ZRANB3: variants seen among roughly 807,000 people sequenced by gnomAD.
ZRANB3 encodes the protein DNA annealing helicase and endonuclease ZRANB3.
A neutral mutation model predicts 133.8 loss-of-function variants in ZRANB3; 125 were observed. That is an observed-to-expected ratio of 0.93 (90% confidence interval 0.81 to 1.08). The LOEUF is 1.08. Ranked by LOEUF, ZRANB3 falls within the 50% of genes least tolerant of loss-of-function variation. The pLI, the probability that ZRANB3 is intolerant of heterozygous loss-of-function variation, is 0.00. For missense variants in ZRANB3, 1,229 were observed against 1,275.5 expected (o/e 0.96, Z 0.56); for synonymous variants, 387 against 432.7 (o/e 0.89, Z 1.31).
At chr2:135,355,069 C>T (rs767067982) in intron 3 of ZRANB3, among the ~76,000 whole-genome samples, 4 of 152,104 alleles carry the variant, frequency 2.6e-5, no homozygotes, top group Non-Finnish European at 5.9e-5. Context: ...ATTTTAAATG[C>T]TGAGCAAAAC....
intron 1 of ZRANB3, among the ~76,000 whole-genome samples, chr2:135,505,003 G>T (rs1431815427): frequency 6.6e-6 from 1 of 151,894 alleles, no homozygotes. Context: ...TTAAATTAAT[G>T]TAATATTATT....
chr2:135,496,154 G>A (rs1001075969), intron 2 of ZRANB3, among the ~76,000 whole-genome samples: 5 of 151,770 alleles, frequency 3.3e-5, no homozygotes, highest in African/African-American at 1.2e-4. Context: ...AGGCCAAGGC[G>A]GGTGGATCAC....
In ZRANB3 at chr2:135,207,792, T is replaced by G. The variant is rs777182347; in HGVS notation, c.2651A>C (p.Tyr884Ser). 12 of 1,604,962 alleles carry G rather than the reference T, an allele frequency of 7.5e-6. No individual in the cohort carries two copies. The South Asian group carries it at 1.3e-4, about 18-fold the overall frequency. Residue 884 changes from tyrosine to serine, a missense_variant, in exon 19 of 21, where the codon TAC (tyrosine) becomes TCC (serine). Physicochemically the swap from Tyr to Ser is moderately radical, Grantham distance 144. Coordinates refer to ENST00000264159, the MANE Select transcript of ZRANB3 (RefSeq NM_032143.4). ...DGACVPFLNP[Y>S]TVQADLTVKP... ...CACAGTGAGATCTGCCTGGACTGTGTATGGATTTAGAAATGGGACACAGGC... is the reference window on the plus strand; with the variant it reads ...CACAGTGAGATCTGCCTGGACTGTGGATGGATTTAGAAATGGGACACAGGC...
At chr2:135,305,847 G>C (rs1682663782) in intron 8 of ZRANB3, among the ~76,000 whole-genome samples, 1 of 152,068 alleles carries the variant, frequency 6.6e-6, no homozygotes, top group Non-Finnish European at 1.5e-5. Flanking sequence ...TAGCTTTGTT[G>C]GGTATAGTAT....
intron 2 of ZRANB3, among the ~76,000 whole-genome samples, chr2:135,444,001 T>C: frequency 6.6e-6 from 1 of 152,060 alleles, no homozygotes; most frequent in East Asian, 1.9e-4. Flanking sequence ...GAGACAATAC[T>C]TAATGGCAAA....
intron 6 of ZRANB3, among the ~76,000 whole-genome samples, chr2:135,316,105 T>A (rs1683239803): frequency 6.6e-6 from 1 of 152,112 alleles, no homozygotes; most frequent in South Asian, 2.1e-4. Flanking sequence ...AACACAAAAT[T>A]ACTATGAAAG....
intron 2 of ZRANB3, among the ~76,000 whole-genome samples, chr2:135,414,372 G>A (rs1177334103): frequency 1.3e-5 from 2 of 151,966 alleles, no homozygotes; most frequent in African/African-American, 2.4e-5. Flanking sequence ...ATTACATGGT[G>A]GTAAAGGGAA....
At chr2:135,240,994 T>C (rs1460606190) in intron 12 of ZRANB3, among the ~76,000 whole-genome samples, 1 of 152,222 alleles carries the variant, frequency 6.6e-6, no homozygotes, top group Non-Finnish European at 1.5e-5. Context: ...CAGGAACTTT[T>C]ATTTTTGGTG....
In ZRANB3 at chr2:135,350,117, A is replaced by G. The variant is rs1314027274; in HGVS notation, c.458T>C (p.Val153Ala). 6.2e-7 allele frequency: 1 copy of G among 1,613,756 alleles called. No individual in the cohort carries two copies. The highest frequency in any genetic ancestry group is 2.2e-5 in the East Asian group (1 of 44,878). Residue 153 changes from valine to alanine, a missense_variant, in exon 5 of 21, where the codon GTA becomes GCA. By Grantham distance (64) the Val-to-Ala change is moderately conservative (BLOSUM62 0). Coordinates refer to ENST00000264159, the MANE Select transcript of ZRANB3 (RefSeq NM_032143.4). ...GTAGTGTGATTCATCCACTATAACT[A>G]CTTTGAAGTTCTGATTATTCAGTGC... Reference protein sequence around the residue: ...IDALNNQNFKVVIVDESHYMK... With the variant: ...IDALNNQNFKAVIVDESHYMK...
chr2:135,212,242 T>TGCCCTTTTAGTTCCCAAATTTCCTC, intron 17 of ZRANB3, among the ~76,000 whole-genome samples: 1 of 152,190 alleles, frequency 6.6e-6, no homozygotes, highest in Non-Finnish European at 1.5e-5. Context: ...TTCTTTTACT[T>TGCCCTTTTAGTTCCCAAATTTCCTC]GCCCTTTTAG....
rs574909410 is a variant in ZRANB3, at chr2:135,217,052, T to C, written c.2495+413A>G. ...TTACTTGGGTGGTGATGCATTCAAATAGAACCAGCTCCCTTGCTGCACAGC... is the reference window on the plus strand; with the variant it reads ...TTACTTGGGTGGTGATGCATTCAAACAGAACCAGCTCCCTTGCTGCACAGC... On this transcript the variant is annotated intron_variant, in intron 17 of 20. Coordinates refer to ENST00000264159, the MANE Select transcript of ZRANB3 (RefSeq NM_032143.4). Among the ~76,000 whole-genome samples, 3 of 152,348 alleles carry C rather than the reference T, an allele frequency of 2.0e-5. No homozygotes were observed. The South Asian group carries it at 6.2e-4, about 32-fold the overall frequency.
intron 2 of ZRANB3, among the ~76,000 whole-genome samples, chr2:135,503,693 G>A (rs1032326109): frequency 1.3e-5 from 2 of 152,150 alleles, no homozygotes; most frequent in Non-Finnish European, 2.9e-5. Context: ...GGGTGCAGTG[G>A]CTCATGCCTG....
At chr2:135,522,285 T>C (rs555072806) in intron 1 of ZRANB3, among the ~76,000 whole-genome samples, 1 of 152,182 alleles carries the variant, frequency 6.6e-6, no homozygotes, top group African/African-American at 2.4e-5. Context: ...CCATTTGCCC[T>C]AAGAACAAAG....
At chr2:135,229,971 CA>C (rs935028986) in intron 13 of ZRANB3, among the ~76,000 whole-genome samples, 19 of 152,002 alleles carry the variant, frequency 1.2e-4, no homozygotes, top group Non-Finnish European at 2.6e-4. Context: ...AGAATAAACT[CA>C]AAAAAACCAG....
At chr2:135,411,723 T>C (rs1428873517) in intron 2 of ZRANB3, among the ~76,000 whole-genome samples, 1 of 152,092 alleles carries the variant, frequency 6.6e-6, no homozygotes, top group East Asian at 1.9e-4. Flanking sequence ...AGCTGATCAA[T>C]GGGTACACAT....
intron 9 of ZRANB3, 73 bp from the exon 10 acceptor site, chr2:135,271,960 G>A: frequency 7.3e-7 from 1 of 1,376,236 alleles, no homozygotes; most frequent in African/African-American, 1.5e-5. Context: ...ATATTTTACA[G>A]CTTATTTTTA....
At chr2:135,307,315 C>T (rs1376147184) in intron 8 of ZRANB3, among the ~76,000 whole-genome samples, 1 of 152,224 alleles carries the variant, frequency 6.6e-6, no homozygotes, top group Admixed American at 6.5e-5. Flanking sequence ...ATCTGCCTGT[C>T]TCAGCATCCT....
chr2:135,445,942 C>T (rs1432532498), intron 2 of ZRANB3, among the ~76,000 whole-genome samples: 1 of 149,672 alleles, frequency 6.7e-6, no homozygotes, highest in Non-Finnish European at 1.5e-5. Flanking sequence ...CAGTGACTCA[C>T]ACCTGTAATC....
chr2:135,291,799 T>C (rs1341823074), intron 8 of ZRANB3, among the ~76,000 whole-genome samples: 1 of 147,438 alleles, frequency 6.8e-6, no homozygotes, highest in Non-Finnish European at 1.5e-5. Flanking sequence ...CCTGTGTCCA[T>C]GTGTTCTCAT....
Sources: gnomAD v4.1 joint callset for allele counts (sites outside exome capture counted in the v4.1 genomes callset) on GRCh38, gnomAD v4.1.1 for gene constraint, MANE v1.5 for transcripts, NCBI Gene and HGNC (gene_info 2026-07-23, HGNC 2026-07-21) for gene names.